Variants in MARCHF10 observed in about 807,000 individuals in gnomAD.
The protein encoded by MARCHF10 is membrane associated ring-CH-type finger 10.
In MARCHF10, 64 loss-of-function variants were observed where a neutral mutation model predicts 76.2. That is an observed-to-expected ratio of 0.84 (90% CI 0.69 to 1.03). The LOEUF is 1.03. Ranked by LOEUF, MARCHF10 falls within the 50% of genes least tolerant of loss-of-function variation. The pLI is 0.00. For synonymous variants in MARCHF10, 340 were observed against 357.5 expected, an observed-to-expected ratio of 0.95 and a Z score of 0.55; for missense variants, 875 against 958.0, an observed-to-expected ratio of 0.91 and a Z score of 1.14.
At chr17:62,788,698 A>G in intron 2 of MARCHF10, 99 bp from the exon 3 acceptor site, 1 of 1,459,634 alleles carries the variant, frequency 6.9e-7, no homozygotes, top group South Asian at 1.2e-5. Flanking sequence ...AATAAATGAT[A>G]TGCATCTCCA....
chr17:62,785,081 A>C (rs542151412), intron 3 of MARCHF10, among the ~76,000 whole-genome samples: 1 of 152,274 alleles, frequency 6.6e-6, no homozygotes, highest in Non-Finnish European at 1.5e-5. Flanking sequence ...AATCCTAAGC[A>C]AAAAGAACAA....
At chr17:62,710,825 C>T (rs1390814688) in intron 9 of MARCHF10, among the ~76,000 whole-genome samples, 3 of 151,900 alleles carry the variant, frequency 2.0e-5, no homozygotes, top group Non-Finnish European at 2.9e-5. Context: ...CCTCCCAAAG[C>T]GCTGGGATTA....
chr17:62,709,284 A>G (rs897192615), intron 9 of MARCHF10, among the ~76,000 whole-genome samples: 12 of 152,186 alleles, frequency 7.9e-5, no homozygotes, highest in Non-Finnish European at 1.3e-4. Flanking sequence ...GTTCGAGACC[A>G]GCCTGACCAA....
At chr17:62,764,734 T>C (rs2092288960) in intron 3 of MARCHF10, among the ~76,000 whole-genome samples, 1 of 152,212 alleles carries the variant, frequency 6.6e-6, no homozygotes. Flanking sequence ...TACGTAGTCA[T>C]GAAATGTAAA....
At chr17:62,740,626 A>G (rs753278930) in intron 5 of MARCHF10, among the ~76,000 whole-genome samples, 2 of 151,790 alleles carry the variant, frequency 1.3e-5, no homozygotes, top group Non-Finnish European at 2.9e-5. Flanking sequence ...TCATCCTGCA[A>G]TTGTGCTTTG....
intron 2 of MARCHF10, among the ~76,000 whole-genome samples, chr17:62,795,356 CAA>C (rs61564298): frequency 0.09 from 4,732 of 52,686 alleles, 126 homozygotes; most frequent in African/African-American, 0.21. Context: ...ATCATTTGAT[CAA>C]AAAAAAAAAA....
At chr17:62,703,656 G>T (rs999031979) in intron 10 of MARCHF10, among the ~76,000 whole-genome samples, 3 of 152,212 alleles carry the variant, frequency 2.0e-5, no homozygotes, top group African/African-American at 7.2e-5. Context: ...GAGGGTTGGT[G>T]ATGGGGTGGA....
In MARCHF10 at chr17:62,731,800, G is replaced by A. The variant is rs534971649; in HGVS notation, c.1937+4131C>T. Among the ~76,000 whole-genome samples, 10 of 152,192 alleles carry A rather than the reference G, an allele frequency of 6.6e-5. No individual in the cohort carries two copies. In the South Asian group the frequency reaches 8.3e-4, roughly 13 times the overall value. On this transcript the variant is annotated intron_variant, in intron 6 of 10. Coordinates refer to ENST00000311269, the MANE Select transcript of MARCHF10 (RefSeq NM_152598.4). ...TATGCATGTGTTATAAAAGGAGACC[G>A]ATCAAATCATAATAGACACATTTAA...
At chr17:62,806,622 G>A (rs375719026) in intron 1 of MARCHF10, 1 of 152,234 alleles carries the variant, frequency 6.6e-6, no homozygotes, top group Non-Finnish European at 1.5e-5. Context: ...CTGCCTTGCT[G>A]AAAGCAAGAG....
In MARCHF10 at chr17:62,711,210, C is replaced by G. The variant is rs2089914467; in HGVS notation, c.2328+21G>C. 6.2e-6 allele frequency: 10 copies of G among 1,608,546 alleles called. No individual in the cohort carries two copies. Among genetic ancestry groups the G allele is most frequent in the Middle Eastern group, 3.4e-4 (2 of 5,962 alleles). Reference sequence around the variant, plus strand: ...TTTTCAGGGCTGCCACCGGACAGCTCTGGGTCACAGCCAGACTTACCCTCT... The same window carrying G: ...TTTTCAGGGCTGCCACCGGACAGCTGTGGGTCACAGCCAGACTTACCCTCT... On this transcript the variant is annotated intron_variant, in intron 9 of 10. Transcript: ENST00000311269. This position sits in a 1 kb window ranked among gnomAD's most constrained non-coding sequence, Gnocchi z 4.4.
At chr17:62,775,506 TC>T (rs953968440) in intron 3 of MARCHF10, among the ~76,000 whole-genome samples, 68 of 127,374 alleles carry the variant, frequency 5.3e-4, no homozygotes, top group African/African-American at 2.5e-3. Context: ...TGTCAGCCAC[TC>T]GGGGGGGGGC....
intron 6 of MARCHF10, chr17:62,726,043 A>G (rs555459410): frequency 6.6e-6 from 1 of 152,380 alleles, no homozygotes; most frequent in African/African-American, 2.4e-5. Context: ...TGATGAACCA[A>G]TAAACCTGGA....
chr17:62,746,932 T>C, intron 4 of MARCHF10: 14 of 1,536,174 alleles, frequency 9.1e-6, no homozygotes, highest in Non-Finnish European at 1.2e-5. Context: ...CAGAAGGTCC[T>C]CCGAGGTCTG....
intron 2 of MARCHF10, among the ~76,000 whole-genome samples, chr17:62,790,545 G>A (rs1371906144): frequency 6.6e-6 from 1 of 152,130 alleles, no homozygotes; most frequent in Non-Finnish European, 1.5e-5. Context: ...GCCTTGCCAG[G>A]GCCAAATTAT....
chr17:62,795,379 A>G lies in MARCHF10; in HGVS notation c.90+6267T>C, dbSNP rs74443084. On this transcript the variant is annotated intron_variant, in intron 2 of 10. Transcript: ENST00000311269. ...ATCAAAAAAAAAAAAAAAAAAAAAA[A>G]AAAAAGAAGCTAGGCAGCATGAAAA... Among the ~76,000 whole-genome samples, 329 of 150,464 alleles carry G rather than the reference A, an allele frequency of 2.2e-3. 10 individuals carry two copies. The East Asian group carries it at 0.028, about 13-fold the overall frequency.
chr17:62,774,337 G>A (rs966686164), intron 3 of MARCHF10, among the ~76,000 whole-genome samples: 1 of 152,102 alleles, frequency 6.6e-6, no homozygotes, highest in Non-Finnish European at 1.5e-5. Flanking sequence ...GGATTGTGGT[G>A]GCAGATCAGG....
At position 62,724,931 on chromosome 17, in the gene MARCHF10, CACCT is replaced by C; in HGVS notation, c.2104+3_2104+6del. The C allele has an allele frequency of 6.2e-7, 1 of 1,611,250 alleles. No individual in the cohort carries two copies. ...GGCACGTTCACTGCACTTCCTTCCC[CACCT>C]ACCTGATGTTATTTTCACTTTCAGC... On this transcript the variant is annotated splice_donor_5th_base_variant and intron_variant, in intron 7 of 10. Transcript: ENST00000311269.
chr17:62,730,030 A>C lies in MARCHF10; in HGVS notation c.1938-4926T>G, dbSNP rs563742353. On this transcript the variant is annotated intron_variant, in intron 6 of 10. Coordinates refer to ENST00000311269, the MANE Select transcript of MARCHF10 (RefSeq NM_152598.4). The stretch of plus-strand genomic sequence containing the variant: ...AGCCCCGTCTCTACTAAAAATGCAA[A>C]AATTAGCCGGGTGAGGTGGCGCCTG... 1.7e-3 allele frequency among the ~76,000 whole-genome samples: 259 copies of C among 152,244 alleles called. 1 individual carries two copies. Among genetic ancestry groups the C allele is most frequent in the Non-Finnish European group, 3.1e-3 (209 of 67,988 alleles).
chr17:62,702,920 C>T (rs2089334824), intron 10 of MARCHF10, among the ~76,000 whole-genome samples: 1 of 152,182 alleles, frequency 6.6e-6, no homozygotes, highest in Non-Finnish European at 1.5e-5. Flanking sequence ...TGGCCAAGGG[C>T]CCTCACACCC....
Sources: gnomAD v4.1 joint callset for allele counts (sites outside exome capture counted in the v4.1 genomes callset) on GRCh38, gnomAD v4.1.1 for gene constraint, Gnocchi (gnomAD v3.1) non-coding constraint, MANE v1.5 for transcripts, NCBI Gene and HGNC (gene_info 2026-07-23, HGNC 2026-07-21) for gene names.